Variants in NHS observed in about 807,000 individuals in gnomAD.
The protein encoded by NHS is NHS actin remodeling regulator.
NHS carries 5 observed loss-of-function variants against 72.5 expected under a neutral mutation model. The observed-to-expected ratio is 0.07, with a 90% CI of 0.04 to 0.14. The LOEUF (loss-of-function observed/expected upper bound fraction) is 0.14. NHS is among the 10% of genes least tolerant of loss of function. The pLI is 1.00. For synonymous variants in NHS, 464 were observed against 547.7 expected (o/e 0.85, Z 2.13); for missense variants, 1,072 against 1,355.7 (o/e 0.79, Z 3.29).
chrX:17,731,958 A>G lies in NHS; in HGVS notation c.4450A>G (p.Ile1484Val). 1 of 1,211,853 alleles carries G rather than the reference A, an allele frequency of 8.3e-7. No homozygotes were observed. The highest frequency in any genetic ancestry group is 3.0e-5 in the East Asian group (1 of 33,830). Residue 1484 changes from isoleucine (I) to valine (V), a missense_variant, in exon 9 of 9, where the codon ATC becomes GTC. Physicochemically the swap from Ile to Val is conservative, Grantham distance 29. Transcript: ENST00000676302. ...CAGTAGCAGCAGCAGCGCCAGTTCC[A>G]TCACTTCACCCAGCAGTAATGTGAC... ...LSSSSSSASS[I>V]TSPSSNVTTP...
chrX:17,436,126 G>T (rs959437991), intron 1 of NHS, among the ~76,000 whole-genome samples: 1 of 112,163 alleles, frequency 8.9e-6, no homozygotes, highest in Non-Finnish European at 1.9e-5. Context: ...TGGAAAAAGT[G>T]TGTGTTTTTT....
intron 1 of NHS, among the ~76,000 whole-genome samples, chrX:17,450,487 GT>G (rs748014115): frequency 1.8e-4 from 20 of 111,769 alleles, no homozygotes; most frequent in Non-Finnish European, 3.6e-4. Flanking sequence ...GATGAAGTCA[GT>G]GGTCCAAGAT....
intron 1 of NHS, among the ~76,000 whole-genome samples, chrX:17,433,236 A>T (rs772166369): frequency 3.6e-5 from 3 of 83,914 alleles, no homozygotes; most frequent in East Asian, 7.9e-4. Flanking sequence ...TTTTTAGTAG[A>T]GACGGGGTTT....
At chrX:17,698,731 TTAATA>T (rs1314168106) in intron 3 of NHS, among the ~76,000 whole-genome samples, 3 of 111,498 alleles carry the variant, frequency 2.7e-5, no homozygotes, top group African/African-American at 6.5e-5. Flanking sequence ...TATTAGGAGA[TTAATA>T]TACTGTGACC....
intron 1 of NHS, among the ~76,000 whole-genome samples, chrX:17,593,400 A>G (rs1200872732): frequency 3.6e-5 from 4 of 110,735 alleles, no homozygotes; most frequent in Non-Finnish European, 5.7e-5. Flanking sequence ...GAAGGAACAT[A>G]TTTTGGAGTC....
At position 17,687,726 on chromosome X, in the gene NHS, G is replaced by T; in HGVS notation, c.566-16G>T. ...TAAAGCCACTGATGGACAACGCCCTGTTTCTTGTCTTGCAGCCGTCTCCAA... is the reference window on the plus strand; with the variant it reads ...TAAAGCCACTGATGGACAACGCCCTTTTTCTTGTCTTGCAGCCGTCTCCAA... On this transcript the variant is annotated splice_polypyrimidine_tract_variant and intron_variant, in intron 1 of 8. Transcript: ENST00000676302. 1.8e-6 allele frequency: 2 copies of T among 1,097,938 alleles called. No homozygotes were observed. Among genetic ancestry groups the T allele is most frequent in the Non-Finnish European group, 2.4e-6 (2 of 841,846 alleles). The allele number at this position is 1,097,938 out of a possible 1,213,427, so 90.5% of individuals were successfully genotyped here.
intron 3 of NHS, among the ~76,000 whole-genome samples, chrX:17,712,253 G>GTATATATATATATATATA (rs1216194040): frequency 1.2e-4 from 6 of 50,149 alleles, no homozygotes; most frequent in Admixed American, 3.2e-4. Context: ...TTGTGTGTGT[G>GTATATATATATATATATA]TATATATATA....
intron 1 of NHS, among the ~76,000 whole-genome samples, chrX:17,456,738 A>G (rs1218402530): frequency 8.9e-6 from 1 of 112,016 alleles, no homozygotes; most frequent in Non-Finnish European, 1.9e-5. Context: ...GGCGACAAGT[A>G]GGCTATGTGT....
intron 1 of NHS, among the ~76,000 whole-genome samples, chrX:17,593,436 C>G (rs1224733867): frequency 9.0e-6 from 1 of 111,006 alleles, no homozygotes; most frequent in East Asian, 2.8e-4. Context: ...TTCAGGAAAA[C>G]AGGAGCTCTT....
At position 17,656,161 on chromosome X, in the gene NHS, G is replaced by A. The variant is rs762994887; in HGVS notation, c.566-31581G>A. On this transcript the variant is annotated intron_variant, in intron 1 of 8. Transcript: ENST00000676302. ...CGCATGCCTACCTCACCTGACGGCCGCATTCCCGGGGAGCCGGCGCGGGGC... is the reference window on the plus strand; with the variant it reads ...CGCATGCCTACCTCACCTGACGGCCACATTCCCGGGGAGCCGGCGCGGGGC... Among the ~76,000 whole-genome samples, 5 of 113,297 alleles carry A rather than the reference G, an allele frequency of 4.4e-5. No individual in the cohort carries two copies. In the South Asian group the frequency reaches 1.8e-3, roughly 41 times the overall value.
chrX:17,514,953 G>C (rs886766977), intron 1 of NHS, among the ~76,000 whole-genome samples: 1 of 111,744 alleles, frequency 8.9e-6, no homozygotes, highest in African/African-American at 3.3e-5. Flanking sequence ...ATCAGGGTCG[G>C]TATGAGTGAT....
chrX:17,477,847 C>T (rs921075205), intron 1 of NHS, among the ~76,000 whole-genome samples: 2 of 111,788 alleles, frequency 1.8e-5, no homozygotes, highest in Non-Finnish European at 3.8e-5. Context: ...AAAGTCCCTT[C>T]GCAAAGGGGT....
chrX:17,726,467 C>T lies in NHS; in HGVS notation c.2361C>T (p.Ser787=), dbSNP rs1474919559. The T allele has an allele frequency of 8.3e-7, 1 of 1,212,104 alleles. No homozygotes were observed. Among genetic ancestry groups the T allele is most frequent in the Non-Finnish European group, 1.1e-6 (1 of 895,558 alleles). Residue 787 remains serine (S), a synonymous_variant, in exon 7 of 9, where the codon TCC becomes TCT. Coordinates refer to ENST00000676302, the MANE Select transcript of NHS (RefSeq NM_001291867.2). Reference sequence around the variant, plus strand: ...TAGACACGGAAGGATACTATACCTCCATGCACTTTGACTGTGGTCTCAAAG... The same window carrying T: ...TAGACACGGAAGGATACTATACCTCTATGCACTTTGACTGTGGTCTCAAAG... The part of the protein sequence containing the change: ...FSVDTEGYYT[S]MHFDCGLKGN...
At chrX:17,663,451 G>A (rs1327414663) in intron 1 of NHS, among the ~76,000 whole-genome samples, 1 of 111,817 alleles carries the variant, frequency 8.9e-6, no homozygotes, top group Non-Finnish European at 1.9e-5. Flanking sequence ...AGATTCACCT[G>A]TTCAAGAGCT....
chrX:17,685,559 T>A (rs1331638917), intron 1 of NHS, among the ~76,000 whole-genome samples: 2 of 111,436 alleles, frequency 1.8e-5, no homozygotes, highest in Non-Finnish European at 3.8e-5. Context: ...ACAGTAGAAA[T>A]GTGTTTAGGG....
Position 17,378,363 on chromosome X carries a change from A to T in NHS, c.565+2041A>T, listed in dbSNP as rs187499664. Among the ~76,000 whole-genome samples the T allele has an allele frequency of 3.7e-3, 419 of 111,912 alleles. 2 individuals are homozygous for T. Among genetic ancestry groups the T allele is most frequent in the Non-Finnish European group, 4.0e-3 (212 of 53,235 alleles). ...TGGGGCTGATTTCTACCTGGGATAG[A>T]TTTAAAATCTCATATTATTTTAAAT... On this transcript the variant is annotated intron_variant, in intron 1 of 8. Transcript: ENST00000676302.
chrX:17,561,574 GCA>G (rs530971006), intron 1 of NHS, among the ~76,000 whole-genome samples: 15,002 of 65,080 alleles, frequency 0.23, 1,624 homozygotes, highest in Non-Finnish European at 0.29. Context: ...GCGCGCGCGC[GCA>G]CACACACACA....
At chrX:17,606,751 G>A (rs12353898) in intron 1 of NHS, among the ~76,000 whole-genome samples, 8,597 of 111,459 alleles carry the variant, frequency 0.077, 639 homozygotes, top group African/African-American at 0.23. Context: ...TCAGTGTTTC[G>A]TTTTACTGAG....
Position 17,728,067 on chromosome X carries a change from G to T in NHS, c.3961G>T (p.Asp1321Tyr), listed in dbSNP as rs1299118537. 2.5e-6 allele frequency: 3 copies of T among 1,211,452 alleles called. No individual in the cohort carries two copies. The South Asian group carries it at 5.3e-5, about 21-fold the overall frequency. The change falls in exon 7 of 9, where the codon GAT (aspartate) becomes TAT (tyrosine). Residue 1321 changes from aspartate (D) to tyrosine (Y), a missense_variant. Asp to Tyr is a radical substitution (Grantham distance 160). Coordinates refer to ENST00000676302, the MANE Select transcript of NHS (RefSeq NM_001291867.2). Reference sequence around the variant, plus strand: ...GGAAGTTGCACAACCTGAATCTGTGGATGTAATCACATCTCAGTCAGACTC... The same window carrying T: ...GGAAGTTGCACAACCTGAATCTGTGTATGTAATCACATCTCAGTCAGACTC... ...LEEVAQPESV[D>Y]VITSQSDSPT...
Sources: allele counts gnomAD v4.1 joint callset (sites outside exome capture counted in the v4.1 genomes callset), GRCh38; gene constraint gnomAD v4.1.1; transcripts MANE v1.5; gene names NCBI Gene and HGNC (gene_info 2026-07-23, HGNC 2026-07-21).